Variants in CNTN4 observed in about 807,000 individuals in gnomAD.
CNTN4 encodes the protein contactin-4.
A neutral mutation model predicts 122.5 loss-of-function variants in CNTN4; 77 were observed. The observed-to-expected ratio is 0.63, with a 90% CI of 0.52 to 0.76. The LOEUF (loss-of-function observed/expected upper bound fraction) is 0.76, where lower values mean the gene tolerates loss of function less well. Ranked by LOEUF, CNTN4 falls within the 30% of genes least tolerant of loss-of-function variation. The pLI, the probability that CNTN4 is intolerant of heterozygous loss-of-function variation, is 0.00. For missense variants in CNTN4, 1,256 were observed against 1,259.1 expected, an observed-to-expected ratio of 1.00 and a Z score of 0.04; for synonymous variants, 512 against 447.0, an observed-to-expected ratio of 1.15 and a Z score of -1.83.
At chr3:2,239,081 A>T (rs891698237) in intron 2 of CNTN4, 2 of 151,948 alleles carry the variant, frequency 1.3e-5, no homozygotes, top group African/African-American at 4.8e-5. Context: ...GAGTCAACCT[A>T]ATACCTTTTA....
intron 2 of CNTN4, among the ~76,000 whole-genome samples, chr3:2,322,418 C>T (rs1480109276): frequency 6.6e-6 from 1 of 152,098 alleles, no homozygotes; most frequent in Admixed American, 6.6e-5. Flanking sequence ...AAAACACTAA[C>T]TGACTGAAAT....
At chr3:2,400,438 T>TATATATATAC (rs2046813523) in intron 3 of CNTN4, among the ~76,000 whole-genome samples, 2 of 135,492 alleles carry the variant, frequency 1.5e-5, no homozygotes, top group African/African-American at 5.2e-5. Context: ...CATATATATA[T>TATATATATAC]ATATATATAT....
chr3:3,038,619 C>T (rs1699849537), intron 18 of CNTN4, among the ~76,000 whole-genome samples: 1 of 152,204 alleles, frequency 6.6e-6, no homozygotes, highest in Non-Finnish European at 1.5e-5. Context: ...ACATTAGGAC[C>T]AGACTTCAGT....
At chr3:2,752,564 C>T (rs551224203) in intron 6 of CNTN4, among the ~76,000 whole-genome samples, 14 of 152,140 alleles carry the variant, frequency 9.2e-5, no homozygotes, top group South Asian at 8.3e-4. Context: ...AGGGTTTCAC[C>T]GGCCTCGAAC....
At chr3:2,552,297 G>A (rs2149368846) in intron 3 of CNTN4, among the ~76,000 whole-genome samples, 1 of 152,210 alleles carries the variant, frequency 6.6e-6, no homozygotes, top group Admixed American at 6.5e-5. Context: ...TGTAGATTAG[G>A]GAAAATTCCA....
chr3:2,703,853 T>C (rs940116314), intron 4 of CNTN4, among the ~76,000 whole-genome samples: 1 of 152,076 alleles, frequency 6.6e-6, no homozygotes. Context: ...AAGAGCTAAG[T>C]ATTACACTAC....
intron 3 of CNTN4, among the ~76,000 whole-genome samples, chr3:2,381,298 G>A (rs1041668184): frequency 5.3e-5 from 8 of 152,082 alleles, no homozygotes; most frequent in Admixed American, 1.3e-4. Flanking sequence ...GAGCCACTGC[G>A]CCTGGCCTTG....
chr3:2,598,067 C>T (rs1201236995), intron 4 of CNTN4, among the ~76,000 whole-genome samples: 1 of 152,178 alleles, frequency 6.6e-6, no homozygotes, highest in Non-Finnish European at 1.5e-5. Context: ...CCTTCCCTTA[C>T]CGGGCTATTT....
chr3:2,782,350 A>G (rs2091629381), intron 6 of CNTN4, among the ~76,000 whole-genome samples: 1 of 152,156 alleles, frequency 6.6e-6, no homozygotes, highest in Non-Finnish European at 1.5e-5. Context: ...TGCATGCTGT[A>G]TGAACCCTTT....
At chr3:2,512,014 T>C (rs1387678249) in intron 3 of CNTN4, among the ~76,000 whole-genome samples, 1 of 152,160 alleles carries the variant, frequency 6.6e-6, no homozygotes, top group African/African-American at 2.4e-5. Flanking sequence ...CCTCTGGCCA[T>C]TGCAAGAAAA....
At chr3:2,330,888 G>A (rs74736266) in intron 2 of CNTN4, among the ~76,000 whole-genome samples, 2,232 of 152,202 alleles carry the variant, frequency 0.015, 35 homozygotes, top group Middle Eastern at 0.027. Flanking sequence ...CAGATAAGGG[G>A]CAAGCACCTC....
intron 3 of CNTN4, among the ~76,000 whole-genome samples, chr3:2,430,616 C>CAAAAA (rs10662868): frequency 3.4e-4 from 35 of 103,342 alleles, no homozygotes; most frequent in Admixed American, 1.0e-3. Flanking sequence ...AGCAAATTAC[C>CAAAAA]AAAAAAAAAA....
At chr3:2,886,988 A>C in intron 9 of CNTN4, 52 bp from the exon 10 acceptor site, 2 of 1,529,300 alleles carry the variant, frequency 1.3e-6, no homozygotes, top group Non-Finnish European at 1.8e-6. Flanking sequence ...GGTTCAGATA[A>C]AAGGTCCAGT....
At chr3:3,039,264 TAAAG>T (rs772074656) in intron 19 of CNTN4, 11 of 399,376 alleles carry the variant, frequency 2.8e-5, no homozygotes, top group South Asian at 7.9e-5. Flanking sequence ...CAAAAAAAAA[TAAAG>T]AAGGCTGTTT....
intron 2 of CNTN4, among the ~76,000 whole-genome samples, chr3:2,212,458 A>G (rs991272493): frequency 2.0e-5 from 3 of 152,170 alleles, no homozygotes; most frequent in African/African-American, 7.2e-5. Flanking sequence ...ATGAGGAGCA[A>G]AGTCATGTCT....
chr3:2,747,272 A>ATG (rs1559459785), intron 6 of CNTN4, among the ~76,000 whole-genome samples: 7 of 150,680 alleles, frequency 4.6e-5, no homozygotes, highest in Non-Finnish European at 1.0e-4. Flanking sequence ...AGCCGGGCGC[A>ATG]GTGGCAGGTG....
chr3:2,905,439 G>A (rs1037640986), intron 12 of CNTN4, among the ~76,000 whole-genome samples: 2 of 152,224 alleles, frequency 1.3e-5, no homozygotes, highest in Non-Finnish European at 2.9e-5. Context: ...GGCAGAAGGG[G>A]TGAGGGTCTC....
chr3:2,866,387 T>C, intron 7 of CNTN4: 1 of 896,220 alleles, frequency 1.1e-6, no homozygotes, highest in Non-Finnish European at 1.4e-6. Flanking sequence ...CCAGCATTAC[T>C]ATATCAAGAT....
chr3:2,988,216 C>A, intron 13 of CNTN4, 129 bp from the exon 14 acceptor site: 1 of 826,586 alleles, frequency 1.2e-6, no homozygotes, highest in Non-Finnish European at 2.0e-6. Flanking sequence ...AAAGATGAGG[C>A]TGTCATCTTT....
Sources: gnomAD v4.1 joint callset for allele counts (sites outside exome capture counted in the v4.1 genomes callset) on GRCh38, gnomAD v4.1.1 for gene constraint, MANE v1.5 for transcripts, NCBI Gene and HGNC (gene_info 2026-07-23, HGNC 2026-07-21) for gene names.